TNFRSF19: variants seen among roughly 807,000 people sequenced by gnomAD.
TNFRSF19 encodes TNF receptor superfamily member 19.
A neutral mutation model predicts 46.4 loss-of-function variants in TNFRSF19; 27 were observed. The observed-to-expected ratio is 0.58, with a 90% CI of 0.43 to 0.80. The LOEUF (loss-of-function observed/expected upper bound fraction) is 0.80. TNFRSF19 is among the 30% of genes least tolerant of loss of function. The probability of loss-of-function intolerance (pLI) is 0.00; values close to 1 mark genes in which losing one functional copy is unlikely to be tolerated. For synonymous variants in TNFRSF19, 204 were observed against 205.0 expected (o/e 1.00, Z 0.04); for missense variants, 511 against 530.8 (o/e 0.96, Z 0.37).
chr13:23,612,839 G>T (rs1880996037), intron 3 of TNFRSF19, among the ~76,000 whole-genome samples: 1 of 152,116 alleles, frequency 6.6e-6, no homozygotes, highest in South Asian at 2.1e-4. Context: ...CAAAAGAGTT[G>T]TGACACTCAA....
chr13:23,624,181 C>T (rs1593265397), intron 4 of TNFRSF19, among the ~76,000 whole-genome samples: 1 of 152,270 alleles, frequency 6.6e-6, no homozygotes, highest in East Asian at 1.9e-4. Context: ...TGTTGAAAGT[C>T]ATTGACCATA....
chr13:23,570,947 G>A (rs1877598727), intron 1 of TNFRSF19, 99 bp downstream of exon 1: 1 of 152,146 alleles, frequency 6.6e-6, no homozygotes, highest in East Asian at 1.9e-4. Context: ...GAAAAGAATG[G>A]TTTTAATTAA....
At position 23,626,791 on chromosome 13, in the gene TNFRSF19, C is replaced by A; in HGVS notation, c.444C>A (p.His148Gln). 2 of 1,614,122 alleles carry A rather than the reference C, an allele frequency of 1.2e-6. No homozygotes were observed. The highest frequency in any genetic ancestry group is 1.7e-6 in the Non-Finnish European group (2 of 1,179,994). Residue 148 changes from histidine (H) to glutamine (Q), a missense_variant and splice_region_variant, in exon 5 of 10, where the codon CAC becomes CAA. Physicochemically the swap from His to Gln is conservative, Grantham distance 24. This residue lies in a region of TNFRSF19 where 376 missense variants were observed against 372.7 expected (regional missense o/e 1.01). Coordinates refer to ENST00000248484, the MANE Select transcript of TNFRSF19 (RefSeq NM_148957.4). ...ACCCTCCTCCTCCTTACGAACCGCA[C>A]TGTGAGTGAACGCAACACAGGCAGA... ...CGDPPPPYEP[H>Q]CASKVNLVKI...
At chr13:23,571,730 G>T (rs539505688) in intron 1 of TNFRSF19, among the ~76,000 whole-genome samples, 1 of 152,004 alleles carries the variant, frequency 6.6e-6, no homozygotes, top group African/African-American at 2.4e-5. Context: ...TTGCTGTACC[G>T]AATTTGAAAG....
chr13:23,656,053 A>G lies in TNFRSF19; in HGVS notation c.446-2997A>G, dbSNP rs73451276. Among the ~76,000 whole-genome samples the G allele has an allele frequency of 1.5e-3, 221 of 152,306 alleles. 1 individual carries two copies. Among genetic ancestry groups the G allele is most frequent in the African/African-American group, 5.2e-3 (215 of 41,568 alleles). ...TCAAGAAGGCAGTTTCCAGAGCCCTACTTCCCATGAGCACTCTCTGAGGGT... is the reference window on the plus strand; with the variant it reads ...TCAAGAAGGCAGTTTCCAGAGCCCTGCTTCCCATGAGCACTCTCTGAGGGT... On this transcript the variant is annotated intron_variant, in intron 5 of 9. Coordinates refer to ENST00000248484, the MANE Select transcript of TNFRSF19 (RefSeq NM_148957.4).
intron 1 of TNFRSF19, among the ~76,000 whole-genome samples, chr13:23,584,539 T>C (rs1231427693): frequency 6.6e-6 from 1 of 151,822 alleles, no homozygotes; most frequent in East Asian, 1.9e-4. Context: ...TAAAAATGTG[T>C]GTGCAAGTAT....
intron 1 of TNFRSF19, among the ~76,000 whole-genome samples, chr13:23,580,781 A>G (rs967908964): frequency 1.3e-5 from 2 of 152,264 alleles, no homozygotes; most frequent in African/African-American, 4.8e-5. Flanking sequence ...AAAACAAAAC[A>G]TAGAAATGCA....
intron 4 of TNFRSF19, among the ~76,000 whole-genome samples, chr13:23,621,266 C>T (rs2088352265): frequency 6.6e-6 from 1 of 152,176 alleles, no homozygotes; most frequent in Non-Finnish European, 1.5e-5. Flanking sequence ...GTAACCATGA[C>T]ACTGTTTAGG....
chr13:23,573,382 T>C (rs1369414580), intron 1 of TNFRSF19, among the ~76,000 whole-genome samples: 2 of 152,222 alleles, frequency 1.3e-5, no homozygotes, highest in African/African-American at 2.4e-5. Context: ...ACACAGTAGC[T>C]GCTACCCATA....
chr13:23,663,023 G>C (rs1884467521), intron 7 of TNFRSF19, among the ~76,000 whole-genome samples: 1 of 152,138 alleles, frequency 6.6e-6, no homozygotes, highest in Non-Finnish European at 1.5e-5. Context: ...TCTTTTGCCT[G>C]ATTGCCCTGG....
intron 1 of TNFRSF19, among the ~76,000 whole-genome samples, chr13:23,588,639 A>AT (rs1057409830): frequency 6.6e-6 from 1 of 152,138 alleles, no homozygotes; most frequent in Non-Finnish European, 1.5e-5. Context: ...AACTTAATAC[A>AT]TTTTTTAAAA....
intron 3 of TNFRSF19, among the ~76,000 whole-genome samples, chr13:23,599,440 C>G (rs1879970250): frequency 1.3e-5 from 2 of 152,186 alleles, no homozygotes; most frequent in South Asian, 4.1e-4. Flanking sequence ...GGTGGTAGGG[C>G]TACAAGTTGG....
rs181546525 is a variant in TNFRSF19, at chr13:23,595,479, C to A, written c.180+2024C>A. 3.7e-3 allele frequency among the ~76,000 whole-genome samples: 569 copies of A among 152,162 alleles called. 3 individuals carry two copies. The highest frequency in any genetic ancestry group is 6.8e-3 in the Non-Finnish European group (461 of 68,002). On this transcript the variant is annotated intron_variant, in intron 3 of 9. Coordinates refer to ENST00000248484, the MANE Select transcript of TNFRSF19 (RefSeq NM_148957.4). ...ATGAAGCATACACAAGTATCAATAG[C>A]TGAATCAATCAGGCAGAAGAAAGGA...
At chr13:23,619,159 CA>C (rs1881493012) in intron 4 of TNFRSF19, among the ~76,000 whole-genome samples, 1 of 152,074 alleles carries the variant, frequency 6.6e-6, no homozygotes, top group Non-Finnish European at 1.5e-5. Context: ...ATGGAAAAAC[CA>C]AATGGGATAT....
intron 4 of TNFRSF19, among the ~76,000 whole-genome samples, chr13:23,623,291 C>T (rs1404922458): frequency 6.6e-6 from 1 of 152,176 alleles, no homozygotes; most frequent in African/African-American, 2.4e-5. Context: ...GGAACCCCTC[C>T]TACTTGTTAA....
chr13:23,636,011 T>C (rs1460710117), intron 5 of TNFRSF19, among the ~76,000 whole-genome samples: 1 of 152,210 alleles, frequency 6.6e-6, no homozygotes, highest in African/African-American at 2.4e-5. Context: ...AAAGTGACTA[T>C]TTTTAAGCAT....
intron 4 of TNFRSF19, among the ~76,000 whole-genome samples, chr13:23,622,798 T>C (rs1881753711): frequency 6.6e-6 from 1 of 152,230 alleles, no homozygotes; most frequent in Admixed American, 6.5e-5. Context: ...TTTCTTGATA[T>C]TTAATTCAAT....
intron 3 of TNFRSF19, among the ~76,000 whole-genome samples, chr13:23,614,083 A>G (rs554640328): frequency 9.9e-5 from 15 of 151,950 alleles, no homozygotes; most frequent in African/African-American, 3.6e-4. Context: ...TCTTTAAATC[A>G]AGTGTTGTTT....
At chr13:23,601,605 A>C (rs144511928) in intron 3 of TNFRSF19, among the ~76,000 whole-genome samples, 6 of 152,334 alleles carry the variant, frequency 3.9e-5, no homozygotes, top group African/African-American at 1.4e-4. Flanking sequence ...TAATTGATGT[A>C]ATAGATGATA....
Sources: allele counts gnomAD v4.1 joint callset (sites outside exome capture counted in the v4.1 genomes callset), GRCh38; gene constraint gnomAD v4.1.1; regional missense constraint gnomAD v4.1.1; transcripts MANE v1.5; gene names NCBI Gene and HGNC (gene_info 2026-07-23, HGNC 2026-07-21).